The following OTOP2 variants were observed in gnomAD, a reference collection of about 807,000 sequenced individuals.
The protein encoded by OTOP2 is otopetrin 2.
OTOP2 carries 41 observed loss-of-function variants against 47.4 expected under a neutral mutation model. The observed-to-expected ratio is 0.87, with a 90% CI of 0.67 to 1.12. The LOEUF is 1.12. OTOP2 is among the 50% of genes most tolerant of loss of function. The pLI, the probability that OTOP2 is intolerant of heterozygous loss-of-function variation, is 0.00. For missense variants in OTOP2, 721 were observed against 752.2 expected, an observed-to-expected ratio of 0.96 and a Z score of 0.49; for synonymous variants, 328 against 319.6, an observed-to-expected ratio of 1.03 and a Z score of -0.28.
rs781355802 is a variant in OTOP2, at chr17:74,930,343, C to G, written c.708C>G (p.Phe236Leu). 2.1e-5 allele frequency: 34 copies of G among 1,614,062 alleles called. No homozygotes were observed. Among genetic ancestry groups the G allele is most frequent in the Non-Finnish European group, 2.6e-5 (31 of 1,180,024 alleles). The change falls in exon 6 of 7, where the codon TTC (phenylalanine) becomes TTG (leucine). Residue 236 changes from phenylalanine (F) to leucine (L), a missense_variant. Phe to Leu is a conservative substitution (Grantham distance 22). Coordinates refer to ENST00000331427, the MANE Select transcript of OTOP2 (RefSeq NM_178160.3). The surrounding 1 kb of genome is among the most constrained non-coding windows in gnomAD (Gnocchi z 4.0). ...GCAGCACGGCCGTCTGCCAGATCTT[C>G]CAGCAGGGGTACTTCTACCTATATC... ...CLCSTAVCQI[F>L]QQGYFYLYPF...
intron 6 of OTOP2, among the ~76,000 whole-genome samples, chr17:74,931,822 G>A (rs1265354956): frequency 1.3e-5 from 2 of 152,050 alleles, no homozygotes; most frequent in African/African-American, 4.8e-5. Context: ...GCGTGGTAGT[G>A]TGCGCACCCT....
Position 74,925,621 on chromosome 17 carries a change from A to G in OTOP2, c.379A>G (p.Ser127Gly), listed in dbSNP as rs752610210. The change falls in exon 3 of 7, where the codon AGT becomes GGT. Residue 127 changes from serine (S) to glycine (G), a missense_variant. Transcript: ENST00000331427. ...TGTCTTCAAGACCGGCTACTACTCC[A>G]GTTTCTTTGAGTGCCAGTCAGCCAT... Reference protein sequence around the residue: ...MDVFKTGYYSSFFECQSAIKI... With the variant: ...MDVFKTGYYSGFFECQSAIKI... 3 of 1,613,972 alleles carry G rather than the reference A, an allele frequency of 1.9e-6. No homozygotes were observed. The highest frequency in any genetic ancestry group is 3.3e-5 in the Admixed American group (2 of 60,000).
At chr17:74,926,614 A>C (rs371316757) in intron 3 of OTOP2, among the ~76,000 whole-genome samples, 2 of 152,122 alleles carry the variant, frequency 1.3e-5, no homozygotes, top group East Asian at 3.8e-4. Context: ...CCATCTCCAC[A>C]CAAAGTAAAC....
chr17:74,933,336 A>C lies in OTOP2; in HGVS notation c.1519-39A>C. 2 of 1,575,124 alleles carry C rather than the reference A, an allele frequency of 1.3e-6. No individual in the cohort carries two copies. The highest frequency in any genetic ancestry group is 2.3e-5 in the South Asian group (2 of 85,822). ...CCACAGAAATGACCCACAGGCATCC[A>C]TCCAGGCCAGCTCCTGAAATGCTCC... On this transcript the variant is annotated intron_variant, in intron 6 of 6. Coordinates refer to ENST00000331427, the MANE Select transcript of OTOP2 (RefSeq NM_178160.3). The surrounding 1 kb of genome is among the most constrained non-coding windows in gnomAD (Gnocchi z 4.7).
At chr17:74,925,421 C>T in intron 2 of OTOP2, 135 bp from the exon 3 acceptor site, 1 of 1,124,506 alleles carries the variant, frequency 8.9e-7, no homozygotes. Context: ...CCCATTGATC[C>T]ATCCAACAGT....
rs1266577703 is a variant in OTOP2, at chr17:74,931,167, G to A, written c.1518+14G>A. 1.3e-6 allele frequency: 2 copies of A among 1,565,754 alleles called. No homozygotes were observed. The highest frequency in any genetic ancestry group is 1.7e-6 in the Non-Finnish European group (2 of 1,153,402). ...TGCAATGTCATTGTGAGTAGCTGGG[G>A]GGAGAAAGGGTGGGCTTGGGAGAAG... On this transcript the variant is annotated intron_variant, in intron 6 of 6. Coordinates refer to ENST00000331427, the MANE Select transcript of OTOP2 (RefSeq NM_178160.3).
At position 74,927,225 on chromosome 17, in the gene OTOP2, C is replaced by T. The variant is rs575048838; in HGVS notation, c.453C>T (p.Thr151=). The change falls in exon 4 of 7, where the codon ACC becomes ACT. Residue 151 remains threonine, a splice_region_variant and synonymous_variant. Coordinates refer to ENST00000331427, the MANE Select transcript of OTOP2 (RefSeq NM_178160.3). ...LIQAVFVIIQ[T]YFLWVSAKDC... is the part of the protein sequence containing the mutation. ...CTCACCAATGTCTCTCCATACAGAC[C>T]TACTTTCTCTGGGTCTCTGCTAAAG... 8 of 1,612,214 alleles carry T rather than the reference C, an allele frequency of 5.0e-6. No individual in the cohort carries two copies. Among genetic ancestry groups the T allele is most frequent in the African/African-American group, 4.0e-5 (3 of 74,898 alleles).
In OTOP2 at chr17:74,933,763, G is replaced by T; in HGVS notation, c.*218G>T. On this transcript the variant is annotated 3_prime_UTR_variant, in exon 7 of 7. Coordinates refer to ENST00000331427, the MANE Select transcript of OTOP2 (RefSeq NM_178160.3). The surrounding 1 kb of genome is among the most constrained non-coding windows in gnomAD (Gnocchi z 4.7). ...CCAGTATGACCGTGGGGCATGAGGT[G>T]ACTGGGGAAGGGAGACCTCTCCTGG... 1 of 491,748 alleles carries T rather than the reference G, an allele frequency of 2.0e-6. No individual in the cohort carries two copies. The highest frequency in any genetic ancestry group is 4.5e-5 in the South Asian group (1 of 22,162). The allele number at this position is 491,748 out of a possible 1,614,324, so 30.5% of individuals were successfully genotyped here.
Position 74,924,832 on chromosome 17 carries a change from C to T in OTOP2, c.200C>T (p.Thr67Ile), listed in dbSNP as rs202245064. 6.3e-5 allele frequency: 102 copies of T among 1,610,764 alleles called. 1 individual carries two copies. In the African/African-American group the frequency reaches 1.1e-3, roughly 17 times the overall value. Reference protein sequence around the residue: ...VYDTDVFALLTAMMLLATLWI... With the variant: ...VYDTDVFALLIAMMLLATLWI... ...GACACCGACGTGTTCGCGCTGCTCA[C>T]TGCGATGATGCTGCTGGCAACGCTC... is the stretch of plus-strand genomic sequence containing the variant. The change falls in exon 2 of 7, where the codon ACT becomes ATT. Residue 67 changes from threonine (T) to isoleucine (I), a missense_variant. By Grantham distance (89) the Thr-to-Ile change is moderately conservative (BLOSUM62 -1). Coordinates refer to ENST00000331427, the MANE Select transcript of OTOP2 (RefSeq NM_178160.3). The surrounding 1 kb of genome is among the most constrained non-coding windows in gnomAD (Gnocchi z 7.7).
chr17:74,924,698 G>T lies in OTOP2; in HGVS notation c.66G>T (p.Glu22Asp). The T allele has an allele frequency of 6.2e-7, 1 of 1,603,560 alleles. No homozygotes were observed. ...SPPAPRAGPR[E>D]VWKKGGRLLS... ...CGGCGCCGCGTGCGGGCCCCAGGGA[G>T]GTGTGGAAGAAGGGTGGCCGCCTGC... is the stretch of plus-strand genomic sequence containing the variant. The change falls in exon 2 of 7, where the codon GAG (glutamate) becomes GAT (aspartate). Residue 22 changes from glutamate to aspartate, a missense_variant. By Grantham distance (45) the Glu-to-Asp change is conservative. Coordinates refer to ENST00000331427, the MANE Select transcript of OTOP2 (RefSeq NM_178160.3). The surrounding 1 kb of genome is among the most constrained non-coding windows in gnomAD (Gnocchi z 7.7).
At position 74,927,463 on chromosome 17, in the gene OTOP2, G is replaced by A. The variant is rs1446901329; in HGVS notation, c.509+182G>A. Reference sequence around the variant, plus strand: ...TTGTGGGGCCCTTTCTCCCAGGGGAGGGAGTGGTGGTGGCCCCCGGGAAAA... The same window carrying A: ...TTGTGGGGCCCTTTCTCCCAGGGGAAGGAGTGGTGGTGGCCCCCGGGAAAA... On this transcript the variant is annotated intron_variant, in intron 4 of 6. Coordinates refer to ENST00000331427, the MANE Select transcript of OTOP2 (RefSeq NM_178160.3). 4 of 1,009,096 alleles carry A rather than the reference G, an allele frequency of 4.0e-6. No individual in the cohort carries two copies. The East Asian group carries it at 1.0e-4, about 26-fold the overall frequency. 62.5% of individuals were successfully genotyped at this position (1,009,096 alleles called of 1,614,324 possible).
Position 74,924,592 on chromosome 17 carries a change from C to G in OTOP2, c.-33-8C>G. 1 of 1,488,874 alleles carries G rather than the reference C, an allele frequency of 6.7e-7. No homozygotes were observed. Among genetic ancestry groups the G allele is most frequent in the Non-Finnish European group, 8.9e-7 (1 of 1,122,964 alleles). The allele number at this position is 1,488,874 out of a possible 1,614,324, so 92.2% of individuals were successfully genotyped here. ...TGACCTGGAGTTTTGTCCGCTCCTC[C>G]CCTACAGTGATCCCTCTAGCCTTCT... On this transcript the variant is annotated splice_region_variant and splice_polypyrimidine_tract_variant and intron_variant, in intron 1 of 6. Transcript: ENST00000331427. This position sits in a 1 kb window ranked among gnomAD's most constrained non-coding sequence, Gnocchi z 7.7.
In OTOP2 at chr17:74,924,431, G is replaced by A. The variant is rs2038983748; in HGVS notation, c.-34+98G>A. On this transcript the variant is annotated intron_variant, in intron 1 of 6. Coordinates refer to ENST00000331427, the MANE Select transcript of OTOP2 (RefSeq NM_178160.3). The surrounding 1 kb of genome is among the most constrained non-coding windows in gnomAD (Gnocchi z 7.7). ...CGCTTCTCCTTTCTTCCCATCCAGCGAGAGGGGCAGGTTCCGCATTTTCTC... is the reference window on the plus strand; with the variant it reads ...CGCTTCTCCTTTCTTCCCATCCAGCAAGAGGGGCAGGTTCCGCATTTTCTC... The A allele has an allele frequency of 5.1e-6, 3 of 586,310 alleles. No homozygotes were observed. Among genetic ancestry groups the A allele is most frequent in the Middle Eastern group, 4.6e-4 (1 of 2,162 alleles). The allele number at this position is 586,310 out of a possible 1,614,324, so 36.3% of individuals were successfully genotyped here.
chr17:74,927,577 A>C (rs2144765394), intron 4 of OTOP2, 88 bp from the exon 5 acceptor site: 1 of 1,517,536 alleles, frequency 6.6e-7, no homozygotes, highest in Non-Finnish European at 8.9e-7. Context: ...TGGCTGCTTT[A>C]TCATTTCTCA....
intron 5 of OTOP2, among the ~76,000 whole-genome samples, chr17:74,929,515 T>C (rs1302966807): frequency 6.6e-6 from 1 of 152,158 alleles, no homozygotes; most frequent in Non-Finnish European, 1.5e-5. Flanking sequence ...AACCTCTGCC[T>C]CCTGGGTTCA....
rs374237002 is a variant in OTOP2, at chr17:74,930,298, C to T, written c.663C>T (p.Val221=). The stretch of plus-strand genomic sequence containing the variant: ...CAACAGAGCATGCAGACAACCCGGT[C>T]GGAGGAGACTCCTGCCTCTGCAGCA... The part of the protein sequence containing the change: ...LISDQHADNP[V]GGDSCLCSTA... The change falls in exon 6 of 7, where the codon GTC becomes GTT. Residue 221 remains valine (V), a synonymous_variant. Transcript: ENST00000331427. This position sits in a 1 kb window ranked among gnomAD's most constrained non-coding sequence, Gnocchi z 4.0. 3.0e-5 allele frequency: 49 copies of T among 1,613,086 alleles called. No individual in the cohort carries two copies. The highest frequency in any genetic ancestry group is 4.0e-5 in the Non-Finnish European group (47 of 1,179,340).
At chr17:74,927,355 C>A in intron 4 of OTOP2, 74 bp downstream of exon 4, 2 of 1,510,552 alleles carry the variant, frequency 1.3e-6, no homozygotes, top group African/African-American at 2.8e-5. Context: ...GGCTTTCCAC[C>A]CTGGGGCAGG....
chr17:74,928,150 C>T lies in OTOP2; in HGVS notation c.643+352C>T, dbSNP rs1049556685. 4.9e-5 allele frequency: 10 copies of T among 202,966 alleles called. 1 individual carries two copies. The South Asian group carries it at 1.1e-3, about 23-fold the overall frequency. 12.6% of individuals were successfully genotyped at this position (202,966 alleles called of 1,614,324 possible). A position where few individuals can be genotyped will look rare whatever the true frequency, so the allele number is the denominator to read the frequency against. On this transcript the variant is annotated intron_variant, in intron 5 of 6. Coordinates refer to ENST00000331427, the MANE Select transcript of OTOP2 (RefSeq NM_178160.3). ...TTGAGCTCAGGAGTTCAAGACCACC[C>T]TAGGCCAAATGATGAAACCCCGTCT...
chr17:74,929,103 C>T (rs565440357), intron 5 of OTOP2, among the ~76,000 whole-genome samples: 4 of 152,330 alleles, frequency 2.6e-5, no homozygotes, highest in African/African-American at 9.6e-5. Flanking sequence ...ATCTGCAAAA[C>T]CAGCTGGGCT....
Sources: gnomAD v4.1 joint callset for allele counts (sites outside exome capture counted in the v4.1 genomes callset) on GRCh38, gnomAD v4.1.1 for gene constraint, Gnocchi (gnomAD v3.1) non-coding constraint, MANE v1.5 for transcripts, NCBI Gene and HGNC (gene_info 2026-07-23, HGNC 2026-07-21) for gene names.